Variants in NGEF observed in about 807,000 individuals in gnomAD.
The protein encoded by NGEF is neuronal guanine nucleotide exchange factor.
NGEF carries 31 observed loss-of-function variants against 80.9 expected under a neutral mutation model. The ratio of observed to expected loss-of-function variants is 0.38; its 90% CI spans 0.29 to 0.52. The LOEUF is 0.52. NGEF is among the 20% of genes least tolerant of loss of function. NGEF has a pLI of 0.84. For synonymous variants in NGEF, 371 were observed against 370.2 expected, an observed-to-expected ratio of 1.00 and a Z score of -0.03; for missense variants, 709 against 926.2, an observed-to-expected ratio of 0.77 and a Z score of 3.04.
chr2:232,972,220 C>T (rs779699983), intron 2 of NGEF, among the ~76,000 whole-genome samples: 23 of 151,848 alleles, frequency 1.5e-4, no homozygotes, highest in Non-Finnish European at 3.2e-4. Context: ...ATTTGGCATG[C>T]GAATTGAGAG....
chr2:232,980,320 C>CAAG (rs1694386992), intron 1 of NGEF, among the ~76,000 whole-genome samples: 1 of 152,086 alleles, frequency 6.6e-6, no homozygotes, highest in Non-Finnish European at 1.5e-5. Context: ...TCAGCTGTAG[C>CAAG]AATCACCAGC....
At chr2:232,886,577 G>A (rs1438441271) in intron 9 of NGEF, among the ~76,000 whole-genome samples, 2 of 152,004 alleles carry the variant, frequency 1.3e-5, no homozygotes, top group Non-Finnish European at 2.9e-5. Context: ...CTGGTATTGA[G>A]TATAATTACT....
intron 1 of NGEF, among the ~76,000 whole-genome samples, chr2:233,000,809 T>A (rs1237391367): frequency 6.6e-6 from 1 of 150,738 alleles, no homozygotes; most frequent in Non-Finnish European, 1.5e-5. Context: ...AGGTCCCATC[T>A]CCAATACCAT....
intron 1 of NGEF, among the ~76,000 whole-genome samples, chr2:233,004,242 C>T (rs184518014): frequency 5.3e-5 from 8 of 152,132 alleles, no homozygotes; most frequent in Non-Finnish European, 7.4e-5. Context: ...GGCACCTGTC[C>T]GGCTTCTCCC....
At chr2:232,907,809 T>G (rs1222668955) in intron 5 of NGEF, among the ~76,000 whole-genome samples, 2 of 152,224 alleles carry the variant, frequency 1.3e-5, no homozygotes, top group African/African-American at 4.8e-5. Flanking sequence ...AACATGTTTT[T>G]AAATGTTTGC....
At chr2:232,930,018 T>A (rs1693186573) in intron 3 of NGEF, among the ~76,000 whole-genome samples, 1 of 152,226 alleles carries the variant, frequency 6.6e-6, no homozygotes. Flanking sequence ...GCCTTTCGCC[T>A]TCTGCCATGA....
At chr2:232,978,811 G>A (rs995287475) in intron 1 of NGEF, among the ~76,000 whole-genome samples, 7 of 152,174 alleles carry the variant, frequency 4.6e-5, no homozygotes, top group African/African-American at 1.7e-4. Context: ...GCTCACTGCA[G>A]CCTCGACCTC....
At chr2:232,958,002 C>T (rs941352927) in intron 3 of NGEF, among the ~76,000 whole-genome samples, 2 of 152,152 alleles carry the variant, frequency 1.3e-5, no homozygotes, top group Non-Finnish European at 2.9e-5. Flanking sequence ...AAAATAGAAA[C>T]GGTTTCACAG....
At chr2:232,889,464 C>A (rs1311722369) in intron 8 of NGEF, among the ~76,000 whole-genome samples, 1 of 152,210 alleles carries the variant, frequency 6.6e-6, no homozygotes, top group Admixed American at 6.5e-5. Context: ...CCCCATTCCA[C>A]CATTTCCTAA....
rs748626476 is a variant in NGEF, at chr2:232,883,994, G to A, written c.1588C>T (p.Arg530Trp). Residue 530 changes from arginine to tryptophan, a missense_variant, in exon 11 of 15, where the codon CGG becomes TGG. This residue lies in a region of NGEF where 426 missense variants were observed against 622.9 expected (regional missense o/e 0.68). Transcript: ENST00000264051. Reference sequence around the variant, plus strand: ...GCCCCGACTCACCCTGGAATCTGCCGGCAGATCACCAGCAGGTCGTTGAAC... The same window carrying A: ...GCCCCGACTCACCCTGGAATCTGCCAGCAGATCACCAGCAGGTCGTTGAAC... ...FLFNDLLVICRQIPGDKYQVF... is the reference protein window; with the variant it reads ...FLFNDLLVICWQIPGDKYQVF... The A allele has an allele frequency of 2.5e-6, 4 of 1,611,334 alleles. No individual in the cohort carries two copies. The highest frequency in any genetic ancestry group is 2.5e-6 in the Non-Finnish European group (3 of 1,178,906).
chr2:232,917,229 AAAG>A (rs1692822663), intron 5 of NGEF, among the ~76,000 whole-genome samples: 1 of 152,244 alleles, frequency 6.6e-6, no homozygotes, highest in Admixed American at 6.5e-5. Flanking sequence ...GCTAAAACTA[AAAG>A]AAGTGGAAAA....
chr2:232,924,469 C>T (rs1462648065), intron 4 of NGEF, among the ~76,000 whole-genome samples: 4 of 152,060 alleles, frequency 2.6e-5, no homozygotes, highest in African/African-American at 7.2e-5. Flanking sequence ...TATCTTGTTA[C>T]AGCAACTGGA....
At chr2:232,949,611 G>A (rs1455220234) in intron 3 of NGEF, among the ~76,000 whole-genome samples, 2 of 151,578 alleles carry the variant, frequency 1.3e-5, no homozygotes, top group East Asian at 3.9e-4. Flanking sequence ...CCTAGTAGCT[G>A]GGATTACAGG....
intron 5 of NGEF, among the ~76,000 whole-genome samples, chr2:232,902,540 C>T (rs1692386863): frequency 6.6e-6 from 1 of 152,310 alleles, no homozygotes; most frequent in Admixed American, 6.5e-5. Context: ...CAAGCCTCGG[C>T]ACTCACACAC....
intron 5 of NGEF, among the ~76,000 whole-genome samples, chr2:232,907,188 G>GAAAAAAAAAAAAAAAAAAAAAAAAAAAA (rs10654316): frequency 1.8e-5 from 2 of 113,160 alleles, no homozygotes; most frequent in Non-Finnish European, 3.5e-5. Context: ...AGAAAAAAAA[G>GAAAAAAAAAAAAAAAAAAAAAAAAAAAA]AAAAAAAAAA....
At chr2:232,881,055 G>T in intron 14 of NGEF, 91 bp downstream of exon 14, 1 of 979,368 alleles carries the variant, frequency 1.0e-6, no homozygotes, top group South Asian at 1.4e-5. Flanking sequence ...CAGCCTGTCA[G>T]ACAGTGGTGG....
chr2:233,009,288 A>C (rs1695154039), intron 1 of NGEF, among the ~76,000 whole-genome samples: 1 of 152,112 alleles, frequency 6.6e-6, no homozygotes, highest in African/African-American at 2.4e-5. Context: ...ATGTCTTTCT[A>C]TGCTTGGTTT....
chr2:232,967,420 C>T (rs1245183223), intron 3 of NGEF, among the ~76,000 whole-genome samples: 7 of 152,028 alleles, frequency 4.6e-5, no homozygotes, highest in African/African-American at 1.2e-4. Context: ...CTGCAACCTC[C>T]GCCTCCTGGA....
intron 3 of NGEF, chr2:232,927,770 C>A: frequency 1.9e-6 from 1 of 522,736 alleles, no homozygotes; most frequent in Non-Finnish European, 2.8e-6. Context: ...GTAGGGGCGG[C>A]GGGGGCCCGC....
Sources: gnomAD v4.1 joint callset for allele counts (sites outside exome capture counted in the v4.1 genomes callset) on GRCh38, gnomAD v4.1.1 for gene constraint, gnomAD v4.1.1 regional missense constraint, MANE v1.5 for transcripts, NCBI Gene and HGNC (gene_info 2026-07-23, HGNC 2026-07-21) for gene names.